Variants in ARID1B observed in about 807,000 individuals in gnomAD.
ARID1B encodes AT-rich interaction domain 1B.
ARID1B carries 30 observed loss-of-function variants against 212.3 expected under a neutral mutation model. The observed-to-expected ratio is 0.14, with a 90% confidence interval of 0.11 to 0.19. ARID1B has a LOEUF of 0.19. Ranked by LOEUF, ARID1B falls within the 10% of genes least tolerant of loss-of-function variation. The probability of loss-of-function intolerance (pLI) is 1.00; values close to 1 mark genes in which losing one functional copy is unlikely to be tolerated. For missense variants in ARID1B, 2,891 were observed against 3,204.0 expected (o/e 0.90, Z 2.36); for synonymous variants, 1,402 against 1,301.7 (o/e 1.08, Z -1.66).
intron 4 of ARID1B, among the ~76,000 whole-genome samples, chr6:157,047,116 A>G (rs1243112660): frequency 1.3e-5 from 2 of 152,214 alleles, no homozygotes; most frequent in Non-Finnish European, 2.9e-5. Context: ...TGGCAATTTC[A>G]TATGGTTCAA....
intron 4 of ARID1B, among the ~76,000 whole-genome samples, chr6:157,004,897 C>CTTTTTTG (rs1562542228): frequency 0.013 from 712 of 54,698 alleles, 53 homozygotes; most frequent in Middle Eastern, 0.022. Context: ...CTTCTTTTTT[C>CTTTTTTG]TTTTTTTTTT....
At chr6:157,121,413 G>A (rs1787701606) in intron 6 of ARID1B, among the ~76,000 whole-genome samples, 2 of 151,974 alleles carry the variant, frequency 1.3e-5, no homozygotes, top group Non-Finnish European at 2.9e-5. Flanking sequence ...AATTTCTAAA[G>A]TTAGGTCTCT....
chr6:156,821,346 A>G (rs1187792837), intron 1 of ARID1B, among the ~76,000 whole-genome samples: 1 of 151,916 alleles, frequency 6.6e-6, no homozygotes, highest in Non-Finnish European at 1.5e-5. Flanking sequence ...CTGCTCCCCC[A>G]CTCCCCCCAC....
intron 2 of ARID1B, among the ~76,000 whole-genome samples, chr6:156,891,353 A>C (rs1330903682): frequency 1.3e-5 from 2 of 152,322 alleles, no homozygotes; most frequent in African/African-American, 4.8e-5. Context: ...ATCTGTGATG[A>C]AAAACAAACA....
intron 1 of ARID1B, among the ~76,000 whole-genome samples, chr6:156,783,534 G>A (rs535645561): frequency 3.3e-4 from 50 of 152,212 alleles, no homozygotes; most frequent in African/African-American, 1.2e-3. Context: ...TCTGGGCAGG[G>A]TGTATCTATC....
chr6:156,992,376 T>C (rs1201424287), intron 4 of ARID1B, among the ~76,000 whole-genome samples: 1 of 152,222 alleles, frequency 6.6e-6, no homozygotes, highest in Non-Finnish European at 1.5e-5. Flanking sequence ...TAATATCTCG[T>C]CATCTCCCAA....
At position 157,148,585 on chromosome 6, in the gene ARID1B, T is replaced by G; in HGVS notation, c.2762-39T>G. On this transcript the variant is annotated intron_variant, in intron 7 of 19. Transcript: ENST00000636930. This position sits in a 1 kb window ranked among gnomAD's most constrained non-coding sequence, Gnocchi z 5.6. ...TTTCCAGTGAATGTTGTCACAAGTTTAAATAAAAGGCTTTACTTTGTGTTT... is the reference window on the plus strand; with the variant it reads ...TTTCCAGTGAATGTTGTCACAAGTTGAAATAAAAGGCTTTACTTTGTGTTT... The G allele has an allele frequency of 1.3e-6, 2 of 1,559,440 alleles. No individual in the cohort carries two copies. Among genetic ancestry groups the G allele is most frequent in the Non-Finnish European group, 1.7e-6 (2 of 1,146,150 alleles).
chr6:157,105,202 A>C (rs1786365824), intron 5 of ARID1B, among the ~76,000 whole-genome samples: 1 of 152,216 alleles, frequency 6.6e-6, no homozygotes, highest in Admixed American at 6.5e-5. Flanking sequence ...TGGAAAAAAA[A>C]CATGTATGTA....
At chr6:156,835,949 A>C (rs1236328512) in intron 2 of ARID1B, among the ~76,000 whole-genome samples, 1 of 152,128 alleles carries the variant, frequency 6.6e-6, no homozygotes, top group East Asian at 1.9e-4. Flanking sequence ...CATGTTGCCC[A>C]GGTTGGTCTC....
At chr6:157,118,355 G>A (rs539201748) in intron 6 of ARID1B, among the ~76,000 whole-genome samples, 105 of 152,290 alleles carry the variant, frequency 6.9e-4, no homozygotes, top group Non-Finnish European at 9.0e-4. Context: ...TATACTGGTT[G>A]TCAGAAAATA....
intron 2 of ARID1B, among the ~76,000 whole-genome samples, chr6:156,900,370 C>G (rs1028447286): frequency 2.0e-5 from 3 of 152,104 alleles, no homozygotes; most frequent in African/African-American, 7.2e-5. Context: ...TCATCTTTTA[C>G]CATTTCATCT....
intron 3 of ARID1B, among the ~76,000 whole-genome samples, chr6:156,931,608 C>T (rs1348016876): frequency 3.9e-5 from 6 of 152,182 alleles, no homozygotes; most frequent in African/African-American, 1.4e-4. Flanking sequence ...CACTTGAGGC[C>T]AGTAGCTGGA....
chr6:157,121,982 G>C (rs1310517321), intron 6 of ARID1B, among the ~76,000 whole-genome samples: 1 of 152,212 alleles, frequency 6.6e-6, no homozygotes, highest in Middle Eastern at 3.4e-3. Flanking sequence ...ACCACAGATA[G>C]GACACTGCTG....
At position 157,180,971 on chromosome 6, in the gene ARID1B, G is replaced by A. The variant is rs373653398; in HGVS notation, c.3507G>A (p.Lys1169=). Residue 1169 remains lysine (K), a splice_region_variant and synonymous_variant, in exon 12 of 20, where the codon AAG becomes AAA. Coordinates refer to ENST00000636930, the MANE Select transcript of ARID1B (RefSeq NM_001374828.1). The stretch of plus-strand genomic sequence containing the variant: ...CACATGCTGCTTCTGGGTACTAGAA[G>A]TCCAGCTCCTCCACCACTACTGGGG... The part of the protein sequence containing the change: ...PGWPKTPSSP[K]SSSSTTTGEK... 8.4e-5 allele frequency: 135 copies of A among 1,612,474 alleles called. No homozygotes were observed. The Admixed American group carries it at 2.2e-3, about 27-fold the overall frequency.
intron 4 of ARID1B, among the ~76,000 whole-genome samples, chr6:157,056,166 A>G (rs1782942135): frequency 6.6e-6 from 1 of 152,168 alleles, no homozygotes. Context: ...AGGGTCAGGC[A>G]TTATGTAGGG....
chr6:157,084,846 G>T lies in ARID1B; in HGVS notation c.2432G>T (p.Gly811Val), dbSNP rs1219489337. Residue 811 changes from glycine (G) to valine (V), a missense_variant, in exon 5 of 20, where the codon GGC becomes GTC. Transcript: ENST00000636930. ...IPGGPSPSPV[G>V]SPVGSNQSRS... The stretch of plus-strand genomic sequence containing the variant: ...GGGGGCCCATCTCCCTCTCCTGTTG[G>T]CTCTCCTGTAGGAAGCAACCAGTCT... 1.9e-6 allele frequency: 3 copies of T among 1,614,046 alleles called. No individual in the cohort carries two copies. The highest frequency in any genetic ancestry group is 1.6e-4 in the Middle Eastern group (1 of 6,062).
Position 156,906,546 on chromosome 6 carries a change from C to CAAAAAAA in ARID1B, c.2136+5044_2136+5050dup, listed in dbSNP as rs55660810. ...GGCAACAAGAGCGAAACTCCATCTC[C>CAAAAAAA]AAAAAAAAAAAAAAAAAAAAAAAAA... On this transcript the variant is annotated intron_variant, in intron 3 of 19. Coordinates refer to ENST00000636930, the MANE Select transcript of ARID1B (RefSeq NM_001374828.1). 5.8e-4 allele frequency among the ~76,000 whole-genome samples: 23 copies of CAAAAAAA among 39,678 alleles called. 3 individuals are homozygous for CAAAAAAA. The highest frequency in any genetic ancestry group is 8.2e-4 in the Non-Finnish European group (16 of 19,578). 26.0% of individuals were successfully genotyped at this position (39,678 alleles called of 152,430 possible).
chr6:156,794,768 C>T (rs1014304368), intron 1 of ARID1B, among the ~76,000 whole-genome samples: 18 of 147,048 alleles, frequency 1.2e-4, no homozygotes, highest in Non-Finnish European at 2.3e-4. Flanking sequence ...TTTGTAGAGA[C>T]GGGGGTTTTG....
intron 4 of ARID1B, among the ~76,000 whole-genome samples, chr6:157,043,139 AAAT>A (rs1781999769): frequency 6.6e-6 from 1 of 152,210 alleles, no homozygotes; most frequent in Non-Finnish European, 1.5e-5. Flanking sequence ...TCTTAGAGAA[AAAT>A]AACATCAGCG....
Sources: allele counts gnomAD v4.1 joint callset (sites outside exome capture counted in the v4.1 genomes callset), GRCh38; gene constraint gnomAD v4.1.1; non-coding constraint Gnocchi (gnomAD v3.1); transcripts MANE v1.5; gene names NCBI Gene and HGNC (gene_info 2026-07-23, HGNC 2026-07-21).